The following IAH1 variants were observed in gnomAD, a reference collection of about 807,000 sequenced individuals.
IAH1 encodes isoamyl acetate-hydrolyzing esterase 1 homolog.
A neutral mutation model predicts 26.7 loss-of-function variants in IAH1; 24 were observed. The observed-to-expected ratio is 0.90, with a 90% CI of 0.65 to 1.26. The LOEUF is 1.26. Among genes scored for constraint, IAH1 ranks in the 50% most tolerant of loss-of-function variants. The probability of loss-of-function intolerance (pLI) is 0.00; values close to 1 mark genes in which losing one functional copy is unlikely to be tolerated. For missense variants in IAH1, 300 were observed against 299.9 expected (o/e 1.00, Z 0.00); for synonymous variants, 140 against 118.5 (o/e 1.18, Z -1.18).
intron 4 of IAH1, among the ~76,000 whole-genome samples, chr2:9,483,463 T>A (rs11688654): frequency 0.09 from 13,730 of 152,202 alleles, 712 homozygotes; most frequent in African/African-American, 0.14. Flanking sequence ...CTAGGTGAAT[T>A]TTATAAACAA....
At chr2:9,505,665 G>A in the IAH1 span, 1 of 365,200 alleles carries the variant, frequency 2.7e-6, no homozygotes, top group East Asian at 6.2e-5. Flanking sequence ...GCCCACTTAA[G>A]GACAAGCAGA....
the IAH1 span, among the ~76,000 whole-genome samples, chr2:9,506,359 GTTTTTTT>G: frequency 1.4e-4 from 10 of 73,208 alleles, no homozygotes; most frequent in East Asian, 4.0e-4. Context: ...CTTCAAATCT[GTTTTTTT>G]TTTTTTTTTT....
Position 9,481,341 on chromosome 2 carries a change from C to A in IAH1, c.339C>A (p.Ser113Arg). The change falls in exon 4 of 6, where the codon AGC (serine) becomes AGA (arginine). Residue 113 changes from serine (S) to arginine (R), a missense_variant. By Grantham distance (110) the Ser-to-Arg change is moderately radical (BLOSUM62 -1). Transcript: ENST00000497473. ...PLEEYAANLK[S>R]MVQYLKSVDI... The stretch of plus-strand genomic sequence containing the variant: ...AGGAGTACGCTGCGAACCTAAAGAG[C>A]ATGGTGCAGTACCTGAAGTCCGTGG... 6.2e-7 allele frequency: 1 copy of A among 1,614,192 alleles called. No individual in the cohort carries two copies. Among genetic ancestry groups the A allele is most frequent in the Non-Finnish European group, 8.5e-7 (1 of 1,180,024 alleles).
At chr2:9,477,097 A>G (rs1660849516) in intron 2 of IAH1, among the ~76,000 whole-genome samples, 1 of 152,220 alleles carries the variant, frequency 6.6e-6, no homozygotes. Context: ...GGCTAGTCGC[A>G]TTTTATAATC....
the IAH1 span, among the ~76,000 whole-genome samples, chr2:9,506,359 GTTTTTTTTTTTT>G: frequency 1.9e-4 from 14 of 73,242 alleles, no homozygotes; most frequent in African/African-American, 4.5e-4. Context: ...CTTCAAATCT[GTTTTTTTTTTTT>G]TTTTTTTTTT....
At chr2:9,501,165 C>T (rs930497533), downstream of IAH1, among the ~76,000 whole-genome samples, 11 of 152,024 alleles carry the variant, frequency 7.2e-5, no homozygotes, top group African/African-American at 1.4e-4. Flanking sequence ...TATGAACTGG[C>T]TATTCACAGG....
At position 9,488,377 on chromosome 2, in the gene IAH1, T is replaced by A; in HGVS notation, c.*48T>A. 1 of 1,459,184 alleles carries A rather than the reference T, an allele frequency of 6.9e-7. No homozygotes were observed. The highest frequency in any genetic ancestry group is 2.3e-5 in the East Asian group (1 of 42,708). 90.4% of individuals were successfully genotyped at this position (1,459,184 alleles called of 1,614,324 possible). ...TGCTTGTTATCTACAGAACTCAAAG[T>A]TGTCAATACGTAGAGGTACGCTTTT... On this transcript the variant is annotated 3_prime_UTR_variant, in exon 6 of 6. Transcript: ENST00000497473.
Position 9,489,382 on chromosome 2 carries a change from C to CAATAGTGAATTTTCTAAGAGCAT in IAH1, c.*1054_*1076dup, listed in dbSNP as rs1162413651. The CAATAGTGAATTTTCTAAGAGCAT allele has an allele frequency of 2.6e-4, 39 of 149,504 alleles. No individual in the cohort carries two copies. Among genetic ancestry groups the CAATAGTGAATTTTCTAAGAGCAT allele is most frequent in the Admixed American group, 1.3e-3 (19 of 14,926 alleles). 9.3% of individuals were successfully genotyped at this position (149,504 alleles called of 1,614,324 possible). A position where few individuals can be genotyped will look rare whatever the true frequency, so the allele number is the denominator to read the frequency against. On this transcript the variant is annotated 3_prime_UTR_variant, in exon 6 of 6. Coordinates refer to ENST00000497473, the MANE Select transcript of IAH1 (RefSeq NM_001039613.3). Reference sequence around the variant, plus strand: ...ACAGGCATGAGCCACCACTCCCAGCCAATAGTGAATTTTCTAAGAGCATGT... The same window carrying CAATAGTGAATTTTCTAAGAGCAT: ...ACAGGCATGAGCCACCACTCCCAGCCAATAGTGAATTTTCTAAGAGCATAATAGTGAATTTTCTAAGAGCATGT...
At chr2:9,494,508 G>A, downstream of IAH1, 1 of 1,075,352 alleles carries the variant, frequency 9.3e-7, no homozygotes, top group Non-Finnish European at 1.3e-6. Context: ...AATACCCGTA[G>A]ATAACAATGG....
At chr2:9,504,776 A>G in the IAH1 span, among the ~76,000 whole-genome samples, 1 of 152,114 alleles carries the variant, frequency 6.6e-6, no homozygotes, top group East Asian at 1.9e-4. Flanking sequence ...AAAAAAAAAA[A>G]AAAAAGATTC....
chr2:9,510,983 A>G, the IAH1 span, among the ~76,000 whole-genome samples: 1 of 152,252 alleles, frequency 6.6e-6, no homozygotes, highest in Non-Finnish European at 1.5e-5. Context: ...TGGAACATTC[A>G]TAACAAAACA....
At chr2:9,503,363 C>G in the IAH1 span, among the ~76,000 whole-genome samples, 1 of 152,130 alleles carries the variant, frequency 6.6e-6, no homozygotes, top group Non-Finnish European at 1.5e-5. Context: ...AAATGAAAAC[C>G]TGGGTAACTT....
intron 5 of IAH1, 32 bp downstream of exon 5, chr2:9,484,582 A>G: frequency 7.0e-7 from 1 of 1,432,306 alleles, no homozygotes; most frequent in Non-Finnish European, 9.9e-7. Flanking sequence ...TCTCGGGGTA[A>G]ATAGGATCAC....
rs1682365586 is a variant in IAH1, at chr2:9,474,613, C to T, written c.47C>T (p.Pro16Leu). Residue 16 changes from proline (P) to leucine (L), a missense_variant, in exon 1 of 6, where the codon CCT becomes CTT. By Grantham distance (98) the Pro-to-Leu change is moderately conservative (BLOSUM62 -3). Coordinates refer to ENST00000497473, the MANE Select transcript of IAH1 (RefSeq NM_001039613.3). The surrounding 1 kb of genome is among the most constrained non-coding windows in gnomAD (Gnocchi z 4.3). ...AAGCGSALLW[P>L]RLLLFGDSIT... ...GGCTGCGGGAGTGCCCTGCTCTGGC[C>T]TCGCTTGTTGCTCTTCGGGGACTCC... 6.4e-7 allele frequency: 1 copy of T among 1,555,794 alleles called. No homozygotes were observed.
intron 6 of IAH1, among the ~76,000 whole-genome samples, chr2:9,495,138 A>G (rs1662474328): frequency 6.6e-6 from 1 of 152,194 alleles, no homozygotes; most frequent in Non-Finnish European, 1.5e-5. Flanking sequence ...TTCAGTCTAA[A>G]GTGTGCCCCT....
chr2:9,476,913 A>G, intron 2 of IAH1, among the ~76,000 whole-genome samples: 1 of 152,170 alleles, frequency 6.6e-6, no homozygotes, highest in East Asian at 1.9e-4. Context: ...GAGGCCTGAC[A>G]ACTCTGTCAC....
chr2:9,482,832 G>A (rs572232357), intron 4 of IAH1, among the ~76,000 whole-genome samples: 34 of 152,244 alleles, frequency 2.2e-4, no homozygotes, highest in Non-Finnish European at 3.7e-4. Context: ...GCGGGACGTG[G>A]TGACAGTAGG....
intron 3 of IAH1, among the ~76,000 whole-genome samples, chr2:9,478,693 G>A (rs116264366): frequency 0.047 from 7,103 of 152,224 alleles, 217 homozygotes; most frequent in Non-Finnish European, 0.069. Flanking sequence ...ATACCTTGTG[G>A]CTTGCATCAC....
intron 4 of IAH1, among the ~76,000 whole-genome samples, chr2:9,483,560 C>T (rs1015258103): frequency 3.3e-5 from 5 of 152,190 alleles, no homozygotes; most frequent in African/African-American, 4.8e-5. Flanking sequence ...CTGTGGCCCG[C>T]ATCCAGTTGC....
Sources: gnomAD v4.1 joint callset for allele counts (sites outside exome capture counted in the v4.1 genomes callset) on GRCh38, gnomAD v4.1.1 for gene constraint, Gnocchi (gnomAD v3.1) non-coding constraint, MANE v1.5 for transcripts, NCBI Gene and HGNC (gene_info 2026-07-23, HGNC 2026-07-21) for gene names.